The following NYNRIN variants were observed in gnomAD, a reference collection of about 807,000 sequenced individuals.
NYNRIN encodes protein NYNRIN.
In NYNRIN, 86 loss-of-function variants were observed where a neutral mutation model predicts 146.6. That is an observed-to-expected ratio of 0.59 (90% CI 0.49 to 0.70). NYNRIN has a LOEUF of 0.70. NYNRIN is among the 30% of genes least tolerant of loss of function. The pLI is 0.00. For missense variants in NYNRIN, 2,191 were observed against 2,377.7 expected (o/e 0.92, Z 1.63); for synonymous variants, 1,027 against 1,001.3 (o/e 1.03, Z -0.48).
intron 2 of NYNRIN, among the ~76,000 whole-genome samples, chr14:24,406,621 G>A (rs1376663177): frequency 6.6e-6 from 1 of 152,362 alleles, no homozygotes; most frequent in Non-Finnish European, 1.5e-5. Flanking sequence ...GGCCTGAGCC[G>A]GGAAAGATGG....
rs1275233383 is a variant in NYNRIN, at chr14:24,408,694, G to A, written c.900G>A (p.Glu300=). ...AAGATGGTATGGACAGTGCTCAAGA[G>A]GAAGGGACAGTGCAAGCCACCAGCA... ...NNQDGMDSAQ[E]EGTVQATSSQ... is the part of the protein sequence containing the mutation. The change falls in exon 4 of 9, where the codon GAG becomes GAA. Residue 300 remains glutamate, a synonymous_variant. Coordinates refer to ENST00000382554, the MANE Select transcript of NYNRIN (RefSeq NM_025081.3). 1.2e-6 allele frequency: 2 copies of A among 1,613,096 alleles called. No individual in the cohort carries two copies. Among genetic ancestry groups the A allele is most frequent in the Non-Finnish European group, 1.7e-6 (2 of 1,179,496 alleles).
At chr14:24,402,419 G>A (rs1334331605) in intron 2 of NYNRIN, among the ~76,000 whole-genome samples, 1 of 152,124 alleles carries the variant, frequency 6.6e-6, no homozygotes, top group African/African-American at 2.4e-5. Flanking sequence ...GGAGGTGATG[G>A]GGAGCCTAAA....
rs2042888120 is a variant in NYNRIN, at chr14:24,408,218, C to T, written c.548C>T (p.Pro183Leu). Reference sequence around the variant, plus strand: ...GCAGGGGACCTACTGCAGCTGCCCCCAGCGGTCCAGGAGCTGCTGCTGAGC... The same window carrying T: ...GCAGGGGACCTACTGCAGCTGCCCCTAGCGGTCCAGGAGCTGCTGCTGAGC... ...QHAGDLLQLP[P>L]AVQELLLSLV... The change falls in exon 3 of 9, where the codon CCA becomes CTA. Residue 183 changes from proline to leucine, a missense_variant. Physicochemically the swap from Pro to Leu is moderately conservative, Grantham distance 98. Transcript: ENST00000382554. 1 of 1,604,296 alleles carries T rather than the reference C, an allele frequency of 6.2e-7. No individual in the cohort carries two copies. Among genetic ancestry groups the T allele is most frequent in the Non-Finnish European group, 8.5e-7 (1 of 1,178,164 alleles).
At chr14:24,402,976 T>C (rs1172790870) in intron 2 of NYNRIN, among the ~76,000 whole-genome samples, 1 of 152,218 alleles carries the variant, frequency 6.6e-6, no homozygotes, top group East Asian at 1.9e-4. Context: ...TAAAAGAATA[T>C]GTAGACACTA....
rs2042896553 is a variant in NYNRIN, at chr14:24,409,378, G to T, written c.1584G>T (p.Gly528=). 1 of 1,614,014 alleles carries T rather than the reference G, an allele frequency of 6.2e-7. No homozygotes were observed. Among genetic ancestry groups the T allele is most frequent in the Non-Finnish European group, 8.5e-7 (1 of 1,179,886 alleles). The change falls in exon 4 of 9, where the codon GGG becomes GGT. Residue 528 remains glycine (G), a synonymous_variant. Coordinates refer to ENST00000382554, the MANE Select transcript of NYNRIN (RefSeq NM_025081.3). ...TGQGKPVAQG[G]LTDQSVPGAQ... is the part of the protein sequence containing the mutation. ...AAGGGAAGCCCGTGGCTCAAGGGGG[G>T]CTGACAGATCAGTCAGTACCTGGAG...
intron 2 of NYNRIN, among the ~76,000 whole-genome samples, chr14:24,400,394 C>T (rs1018103917): frequency 7.9e-5 from 12 of 152,222 alleles, no homozygotes; most frequent in Admixed American, 1.3e-4. Context: ...AATGCCACAG[C>T]CTCCCTCTGC....
intron 8 of NYNRIN, among the ~76,000 whole-genome samples, chr14:24,414,255 C>T (rs4982910): frequency 0.16 from 24,201 of 152,244 alleles, 1,997 homozygotes; most frequent in Non-Finnish European, 0.18. Flanking sequence ...CACTGCCCCC[C>T]CTTTTCCAGG....
intron 2 of NYNRIN, among the ~76,000 whole-genome samples, chr14:24,401,413 G>T (rs2042842377): frequency 6.7e-6 from 1 of 148,476 alleles, no homozygotes; most frequent in Non-Finnish European, 1.5e-5. Context: ...GCAATTTGGA[G>T]AAGGAGGACA....
At chr14:24,406,054 G>C (rs12588750) in intron 2 of NYNRIN, among the ~76,000 whole-genome samples, 77,285 of 151,178 alleles carry the variant, frequency 0.51, 21,315 homozygotes, top group East Asian at 0.79. Flanking sequence ...CCCAGCTACT[G>C]GGGAGGCTAA....
In NYNRIN at chr14:24,411,514, T is replaced by A. The variant is rs2273635; in HGVS notation, c.2642+64T>A. On this transcript the variant is annotated intron_variant, in intron 6 of 8. Transcript: ENST00000382554. The surrounding 1 kb of genome is among the most constrained non-coding windows in gnomAD (Gnocchi z 4.3). ...AGTTGGGCCTGGCTGGTGTGTCAGG[T>A]GGAGTCCGGCCTGTCTTCTCTGGGG... 0.01 allele frequency: 14,428 copies of A among 1,392,164 alleles called. 635 individuals carry two copies. In the East Asian group the frequency reaches 0.11, roughly 11 times the overall value. 86.2% of individuals were successfully genotyped at this position (1,392,164 alleles called of 1,614,324 possible).
At chr14:24,412,970 C>T in intron 6 of NYNRIN, 27 bp from the exon 7 acceptor site, 1 of 1,487,560 alleles carries the variant, frequency 6.7e-7, no homozygotes, top group Non-Finnish European at 9.2e-7. Context: ...GTTACTGGGT[C>T]ATTAGTGACT....
chr14:24,401,738 G>C (rs1328724595), intron 2 of NYNRIN, among the ~76,000 whole-genome samples: 1 of 152,206 alleles, frequency 6.6e-6, no homozygotes, highest in Non-Finnish European at 1.5e-5. Context: ...ATAGATGTTA[G>C]CTACTATTGT....
At chr14:24,401,841 G>C (rs905004829) in intron 2 of NYNRIN, among the ~76,000 whole-genome samples, 3 of 152,208 alleles carry the variant, frequency 2.0e-5, no homozygotes, top group Admixed American at 2.0e-4. Flanking sequence ...ATTAAATGCT[G>C]TCTGAGGTCC....
At chr14:24,413,548 TGCCA>T in intron 8 of NYNRIN, 131 bp downstream of exon 8, 1 of 610,906 alleles carries the variant, frequency 1.6e-6, no homozygotes, top group Non-Finnish European at 2.8e-6. Context: ...TTTATACTTG[TGCCA>T]CATGTTTATG....
At chr14:24,399,747 C>G (rs1395890804) in intron 2 of NYNRIN, among the ~76,000 whole-genome samples, 1 of 152,162 alleles carries the variant, frequency 6.6e-6, no homozygotes, top group Non-Finnish European at 1.5e-5. Context: ...ACTTCCCTGG[C>G]CAGGGCCCCA....
Position 24,408,844 on chromosome 14 carries a change from G to A in NYNRIN, c.1050G>A (p.Trp350Ter). Reference protein sequence around the residue: ...ALGVCPPWKAWTPGPAFGPLW... With the variant: ...ALGVCPPWKA ...GTGTGTGCCCACCCTGGAAGGCCTG[G>A]ACCCCGGGGCCAGCCTTTGGGCCAT... Residue 350 changes from tryptophan (W) to a stop codon, truncating the protein, a stop_gained, in exon 4 of 9, where the codon TGG becomes TGA. Transcript: ENST00000382554. LOFTEE classifies it high-confidence loss of function. 6.2e-7 allele frequency: 1 copy of A among 1,614,042 alleles called. No homozygotes were observed.
intron 2 of NYNRIN, among the ~76,000 whole-genome samples, chr14:24,407,598 C>T (rs919772727): frequency 4.6e-5 from 7 of 152,180 alleles, no homozygotes; most frequent in Non-Finnish European, 1.0e-4. Context: ...CAGTTGAGGT[C>T]GAGTTGGAGC....
rs576702785 is a variant in NYNRIN, at chr14:24,411,741, A to G, written c.2642+291A>G. Among the ~76,000 whole-genome samples the G allele has an allele frequency of 6.6e-6, 1 of 152,286 alleles. No individual in the cohort carries two copies. Among genetic ancestry groups the G allele is most frequent in the East Asian group, 1.9e-4 (1 of 5,182 alleles). ...TCTTCCCCCATGACCTGTGAACATC[A>G]GAGAGGTTCCCCAGGGTTTTGGGTG... On this transcript the variant is annotated intron_variant, in intron 6 of 8. Transcript: ENST00000382554. The surrounding 1 kb of genome is among the most constrained non-coding windows in gnomAD (Gnocchi z 4.3).
rs763472495 is a variant in NYNRIN, at chr14:24,416,762, G to C, written c.5013G>C (p.Trp1671Cys). ...QVLLQHVFARWGVPVRLEAAQ... is the reference protein window; with the variant it reads ...QVLLQHVFARCGVPVRLEAAQ... ...TGCTTCAGCATGTGTTTGCAAGGTGGGGTGTTCCTGTGAGGCTGGAGGCAG... is the reference window on the plus strand; with the variant it reads ...TGCTTCAGCATGTGTTTGCAAGGTGCGGTGTTCCTGTGAGGCTGGAGGCAG... Residue 1671 changes from tryptophan (W) to cysteine (C), a missense_variant, in exon 9 of 9, where the codon TGG becomes TGC. Transcript: ENST00000382554. 1 of 1,613,680 alleles carries C rather than the reference G, an allele frequency of 6.2e-7. No individual in the cohort carries two copies. Among genetic ancestry groups the C allele is most frequent in the African/African-American group, 1.3e-5 (1 of 74,924 alleles).
Sources: gnomAD v4.1 joint callset for allele counts (sites outside exome capture counted in the v4.1 genomes callset) on GRCh38, gnomAD v4.1.1 for gene constraint, Gnocchi (gnomAD v3.1) non-coding constraint, MANE v1.5 for transcripts, NCBI Gene and HGNC (gene_info 2026-07-23, HGNC 2026-07-21) for gene names.